The following FER1L6 variants were observed in gnomAD, a reference collection of about 807,000 sequenced individuals.
FER1L6 encodes fer-1 like family member 6, also known as fer-1-like protein 6.
Under a neutral mutation model 219.2 loss-of-function variants are expected in FER1L6, and 177 were observed. The observed-to-expected ratio is 0.81, with a 90% CI of 0.71 to 0.91. The LOEUF (loss-of-function observed/expected upper bound fraction) is 0.91. Ranked by LOEUF, FER1L6 falls within the 40% of genes least tolerant of loss-of-function variation. The pLI is 0.00. For synonymous variants in FER1L6, 768 were observed against 824.3 expected, an observed-to-expected ratio of 0.93 and a Z score of 1.17; for missense variants, 2,153 against 2,259.9, an observed-to-expected ratio of 0.95 and a Z score of 0.96.
At chr8:124,026,338 C>A (rs1186608572) in intron 18 of FER1L6, among the ~76,000 whole-genome samples, 1 of 152,146 alleles carries the variant, frequency 6.6e-6, no homozygotes, top group East Asian at 1.9e-4. Flanking sequence ...TGGTTTCTTG[C>A]TATAAAATAA....
intron 22 of FER1L6, among the ~76,000 whole-genome samples, chr8:124,058,141 A>G (rs1820393819): frequency 6.6e-6 from 1 of 152,146 alleles, no homozygotes; most frequent in African/African-American, 2.4e-5. Flanking sequence ...GCTGAGGGAG[A>G]CAGAAAGGAG....
chr8:124,016,533 G>A (rs1288625550), intron 15 of FER1L6, among the ~76,000 whole-genome samples: 1 of 151,854 alleles, frequency 6.6e-6, no homozygotes, highest in African/African-American at 2.4e-5. Flanking sequence ...CTACTCTCCA[G>A]TGAGAAGAGT....
chr8:123,882,493 A>G (rs1257281107), intron 1 of FER1L6, among the ~76,000 whole-genome samples: 2 of 152,198 alleles, frequency 1.3e-5, no homozygotes, highest in African/African-American at 4.8e-5. Context: ...ATTCATCCAT[A>G]TATATTTACT....
chr8:124,020,916 T>A (rs1412919593), intron 16 of FER1L6, among the ~76,000 whole-genome samples: 1 of 152,106 alleles, frequency 6.6e-6, no homozygotes, highest in Non-Finnish European at 1.5e-5. Context: ...ACACTGCTAA[T>A]AAAGACATAC....
At position 124,045,772 on chromosome 8, in the gene FER1L6, C is replaced by T. The variant is rs1281062283; in HGVS notation, c.2595C>T (p.Ile865=). Residue 865 remains isoleucine, a synonymous_variant, in exon 21 of 41, where the codon ATC becomes ATT. Transcript: ENST00000522917. ...FLSHCQTTKI[I]SQTLSPTWNQ... is the part of the protein sequence containing the mutation. Reference sequence around the variant, plus strand: ...TCTTTGGTCCCTGCTTCCAGATAATCTCCCAGACCCTCTCTCCGACCTGGA... The same window carrying T: ...TCTTTGGTCCCTGCTTCCAGATAATTTCCCAGACCCTCTCTCCGACCTGGA... 6.2e-7 allele frequency: 1 copy of T among 1,613,950 alleles called. No homozygotes were observed. Among genetic ancestry groups the T allele is most frequent in the African/African-American group, 1.3e-5 (1 of 74,918 alleles).
At chr8:123,856,752 G>A (rs372191270) in intron 1 of FER1L6, among the ~76,000 whole-genome samples, 110 of 151,902 alleles carry the variant, frequency 7.2e-4, no homozygotes, top group African/African-American at 2.6e-3. Context: ...AGTGCAAATG[G>A]ATTATTTTCA....
chr8:123,864,022 T>G (rs1215318693), intron 1 of FER1L6, among the ~76,000 whole-genome samples: 1 of 147,466 alleles, frequency 6.8e-6, no homozygotes, highest in Non-Finnish European at 1.5e-5. Flanking sequence ...ATCCTGTCAT[T>G]ATGATGTTAG....
At chr8:123,992,821 A>T (rs1816925996) in intron 12 of FER1L6, among the ~76,000 whole-genome samples, 1 of 152,088 alleles carries the variant, frequency 6.6e-6, no homozygotes, top group African/African-American at 2.4e-5. Flanking sequence ...GTGATCTATC[A>T]GACTTTTTGA....
chr8:124,011,424 C>G (rs1817915835), intron 14 of FER1L6, among the ~76,000 whole-genome samples: 1 of 152,174 alleles, frequency 6.6e-6, no homozygotes, highest in Non-Finnish European at 1.5e-5. Flanking sequence ...GGCACAATCA[C>G]AGCTCACTGC....
chr8:124,078,169 T>C lies in FER1L6; in HGVS notation c.4220+1844T>C, dbSNP rs183663495. ...GCACAGAGCAGGTGCTCAATATGCATTTGTGGAATGAACAGATGGATGGAT... is the reference window on the plus strand; with the variant it reads ...GCACAGAGCAGGTGCTCAATATGCACTTGTGGAATGAACAGATGGATGGAT... On this transcript the variant is annotated intron_variant, in intron 32 of 40. Transcript: ENST00000522917. Among the ~76,000 whole-genome samples, 107 of 152,074 alleles carry C rather than the reference T, an allele frequency of 7.0e-4. 1 individual carries two copies. The highest frequency in any genetic ancestry group is 2.9e-3 in the Admixed American group (45 of 15,284).
intron 12 of FER1L6, among the ~76,000 whole-genome samples, chr8:123,993,410 CCAG>C (rs1287738054): frequency 6.7e-6 from 1 of 148,994 alleles, no homozygotes; most frequent in Non-Finnish European, 1.5e-5. Flanking sequence ...CCACTGCACT[CCAG>C]CCTGGGCGAC....
chr8:123,982,245 G>A (rs758773727), intron 11 of FER1L6, among the ~76,000 whole-genome samples: 2 of 152,108 alleles, frequency 1.3e-5, no homozygotes, highest in African/African-American at 4.8e-5. Context: ...CCCTGTAGTC[G>A]TTTTTCCTGC....
chr8:124,011,319 C>A (rs1817909538), intron 14 of FER1L6, among the ~76,000 whole-genome samples: 1 of 152,166 alleles, frequency 6.6e-6, no homozygotes, highest in African/African-American at 2.4e-5. Flanking sequence ...GAGTCTGACA[C>A]CTTCTACCCC....
chr8:123,972,118 G>A (rs1231303419), intron 6 of FER1L6, among the ~76,000 whole-genome samples: 1 of 152,216 alleles, frequency 6.6e-6, no homozygotes, highest in Non-Finnish European at 1.5e-5. Flanking sequence ...TGAACATTAT[G>A]TGAGCATCCT....
At chr8:124,105,800 C>G (rs1016293739) in intron 39 of FER1L6, among the ~76,000 whole-genome samples, 1 of 152,146 alleles carries the variant, frequency 6.6e-6, no homozygotes. Flanking sequence ...TATATCCATA[C>G]AGTGGAATAT....
rs564170187 is a variant in FER1L6, at chr8:124,095,000, C to T, written c.4657C>T (p.Arg1553Trp). 8.7e-6 allele frequency: 14 copies of T among 1,614,094 alleles called. No individual in the cohort carries two copies. Among genetic ancestry groups the T allele is most frequent in the East Asian group, 4.5e-5 (2 of 44,880 alleles). Residue 1553 changes from arginine to tryptophan, a missense_variant, in exon 35 of 41, where the codon CGG (arginine) becomes TGG (tryptophan). Transcript: ENST00000522917. Reference sequence around the variant, plus strand: ...GCTGGTTCCTGAACACATAGAAACTCGGCCACTGTACCACAAGGATAAGCC... The same window carrying T: ...GCTGGTTCCTGAACACATAGAAACTTGGCCACTGTACCACAAGGATAAGCC... The part of the protein sequence containing the change: ...CRLVPEHIET[R>W]PLYHKDKPGM...
At chr8:124,073,201 A>G (rs570825091) in intron 31 of FER1L6, among the ~76,000 whole-genome samples, 2 of 152,362 alleles carry the variant, frequency 1.3e-5, no homozygotes, top group East Asian at 3.8e-4. Flanking sequence ...CTCCTTATTC[A>G]TGTATTCATT....
chr8:124,040,105 C>A, intron 20 of FER1L6, 99 bp downstream of exon 20: 1 of 1,483,922 alleles, frequency 6.7e-7, no homozygotes, highest in South Asian at 1.2e-5. Flanking sequence ...GTTGCAAATA[C>A]CTGCATCTTT....
chr8:124,038,172 C>T (rs1220387766), intron 19 of FER1L6, among the ~76,000 whole-genome samples: 1 of 152,112 alleles, frequency 6.6e-6, no homozygotes, highest in Non-Finnish European at 1.5e-5. Flanking sequence ...TGTTTTTGAC[C>T]CTGTCTTGAC....
Sources: allele counts gnomAD v4.1 joint callset (sites outside exome capture counted in the v4.1 genomes callset), GRCh38; gene constraint gnomAD v4.1.1; transcripts MANE v1.5; gene names NCBI Gene and HGNC (gene_info 2026-07-23, HGNC 2026-07-21).